Variants in DPP10 observed in about 807,000 individuals in gnomAD.
DPP10 encodes inactive dipeptidyl peptidase 10.
Under a neutral mutation model 120.9 loss-of-function variants are expected in DPP10, and 33 were observed. The ratio of observed to expected loss-of-function variants is 0.27; its 90% CI spans 0.21 to 0.37. The LOEUF is 0.37. Among genes scored for constraint, DPP10 ranks in the 10% least tolerant of loss-of-function variants. DPP10 has a pLI of 1.00. For synonymous variants in DPP10, 337 were observed against 326.1 expected (o/e 1.03, Z -0.36); for missense variants, 816 against 942.8 (o/e 0.87, Z 1.76).
At chr2:114,964,507 A>G (rs1455444534) in intron 1 of DPP10, among the ~76,000 whole-genome samples, 1 of 152,132 alleles carries the variant, frequency 6.6e-6, no homozygotes, top group African/African-American at 2.4e-5. Flanking sequence ...GTCTTCCCCG[A>G]GAAAGTGACA....
intron 1 of DPP10, among the ~76,000 whole-genome samples, chr2:114,802,399 G>A (rs914008900): frequency 7.9e-5 from 12 of 152,052 alleles, no homozygotes; most frequent in Non-Finnish European, 1.3e-4. Flanking sequence ...CTGGTAGATC[G>A]GAGATGTATC....
chr2:115,335,315 A>G (rs150572543), intron 2 of DPP10, among the ~76,000 whole-genome samples: 1 of 152,144 alleles, frequency 6.6e-6, no homozygotes, highest in African/African-American at 2.4e-5. Context: ...ATTAACTACT[A>G]TACAAATTAA....
intron 1 of DPP10, among the ~76,000 whole-genome samples, chr2:114,783,524 T>C (rs1682506708): frequency 6.6e-6 from 1 of 152,140 alleles, no homozygotes; most frequent in Admixed American, 6.6e-5. Context: ...CATTTTATAC[T>C]TGTTTTATGT....
rs1217403517 is a variant in DPP10, at chr2:115,625,246, C to T, written c.442-64441C>T. Reference sequence around the variant, plus strand: ...ATGTGAGAAAGATCTTTTTTGGATTCACAATATTATCTTCACAAATCTTTG... The same window carrying T: ...ATGTGAGAAAGATCTTTTTTGGATTTACAATATTATCTTCACAAATCTTTG... On this transcript the variant is annotated intron_variant, in intron 5 of 25. Coordinates refer to ENST00000410059, the MANE Select transcript of DPP10 (RefSeq NM_020868.6). Among the ~76,000 whole-genome samples, 11 of 151,896 alleles carry T rather than the reference C, an allele frequency of 7.2e-5. No individual in the cohort carries two copies. The East Asian group carries it at 2.1e-3, about 29-fold the overall frequency.
At chr2:115,660,405 T>C (rs1356726995) in intron 5 of DPP10, among the ~76,000 whole-genome samples, 2 of 152,234 alleles carry the variant, frequency 1.3e-5, no homozygotes, top group African/African-American at 2.4e-5. Context: ...GAGTTTAGGC[T>C]AAGTAAGTTA....
intron 1 of DPP10, among the ~76,000 whole-genome samples, chr2:114,593,948 A>G (rs533370000): frequency 6.6e-5 from 10 of 152,294 alleles, no homozygotes; most frequent in Admixed American, 3.3e-4. Context: ...AAAAGCAGAA[A>G]GTGAGTCCTC....
At chr2:114,458,871 T>C (rs1640754901) in intron 1 of DPP10, among the ~76,000 whole-genome samples, 1 of 152,198 alleles carries the variant, frequency 6.6e-6, no homozygotes, top group Non-Finnish European at 1.5e-5. Context: ...CTTGTCCAGT[T>C]TCACAATCAT....
chr2:115,649,947 A>T (rs1343786651), intron 5 of DPP10, among the ~76,000 whole-genome samples: 1 of 152,114 alleles, frequency 6.6e-6, no homozygotes, highest in Non-Finnish European at 1.5e-5. Context: ...AGTATGGAAA[A>T]ACTAAGACAT....
chr2:115,463,848 G>A (rs954585817), intron 3 of DPP10, among the ~76,000 whole-genome samples: 1 of 152,108 alleles, frequency 6.6e-6, no homozygotes, highest in Non-Finnish European at 1.5e-5. Flanking sequence ...TAAGATCCCT[G>A]CATTGTGATG....
In DPP10 at chr2:115,842,253, T is replaced by G. The variant is rs767511162; in HGVS notation, c.2299T>G (p.Tyr767Asp). 6.2e-7 allele frequency: 1 copy of G among 1,613,860 alleles called. No homozygotes were observed. Among genetic ancestry groups the G allele is most frequent in the Non-Finnish European group, 8.5e-7 (1 of 1,179,802 alleles). The change falls in exon 26 of 26, where the codon TAT (tyrosine) becomes GAT (aspartate). Residue 767 changes from tyrosine (Y) to aspartate (D), a missense_variant. This residue lies in a region of DPP10 where 592 missense variants were observed against 649.0 expected (regional missense o/e 0.91). Coordinates refer to ENST00000410059, the MANE Select transcript of DPP10 (RefSeq NM_020868.6). ...TCATAACGTATCTGAGAAGAGCAAGTATCATCTCTACAGCACAATCCTCAA... is the reference window on the plus strand; with the variant it reads ...TCATAACGTATCTGAGAAGAGCAAGGATCATCTCTACAGCACAATCCTCAA... Reference protein sequence around the residue: ...EGHNVSEKSKYHLYSTILKFF... With the variant: ...EGHNVSEKSKDHLYSTILKFF...
At chr2:115,426,379 G>C (rs545673118) in intron 3 of DPP10, among the ~76,000 whole-genome samples, 1 of 126,882 alleles carries the variant, frequency 7.9e-6, no homozygotes, top group African/African-American at 3.1e-5. Flanking sequence ...ACTCTCACCA[G>C]GTGCCACTCC....
At chr2:114,455,193 G>T (rs989325344) in intron 1 of DPP10, among the ~76,000 whole-genome samples, 10 of 131,416 alleles carry the variant, frequency 7.6e-5, no homozygotes, top group East Asian at 2.3e-4. Flanking sequence ...TGTGTTTGGG[G>T]GTGGTGGCAT....
chr2:114,466,583 A>G (rs1369065403), intron 1 of DPP10, among the ~76,000 whole-genome samples: 3 of 152,200 alleles, frequency 2.0e-5, no homozygotes, highest in Non-Finnish European at 4.4e-5. Flanking sequence ...TTTGTGCTGA[A>G]TAAGAAAATA....
At position 115,680,806 on chromosome 2, in the gene DPP10, A is replaced by G. The variant is rs182269663; in HGVS notation, c.442-8881A>G. On this transcript the variant is annotated intron_variant, in intron 5 of 25. Transcript: ENST00000410059. ...GTAAAATGTTTACTACATACATAAA[A>G]ACAAAGTTATAATCTGTCATATAAA... 1.1e-3 allele frequency among the ~76,000 whole-genome samples: 163 copies of G among 152,092 alleles called. 2 individuals carry two copies. The highest frequency in any genetic ancestry group is 3.4e-3 in the Middle Eastern group (1 of 294).
intron 3 of DPP10, among the ~76,000 whole-genome samples, chr2:115,345,873 A>G (rs1434341436): frequency 1.3e-5 from 2 of 152,174 alleles, no homozygotes; most frequent in African/African-American, 4.8e-5. Flanking sequence ...TTTATTAATC[A>G]TTGGTTAAAT....
At chr2:115,129,204 C>T (rs985676515) in intron 1 of DPP10, among the ~76,000 whole-genome samples, 1 of 152,164 alleles carries the variant, frequency 6.6e-6, no homozygotes, top group African/African-American at 2.4e-5. Flanking sequence ...CTCATTTTTC[C>T]CTCTGCTGTT....
chr2:115,023,853 T>C (rs990855263), intron 1 of DPP10, among the ~76,000 whole-genome samples: 3 of 152,072 alleles, frequency 2.0e-5, no homozygotes, highest in African/African-American at 7.2e-5. Context: ...AATAATGACA[T>C]TCACAGCAAC....
chr2:115,031,342 T>C (rs927617384), intron 1 of DPP10, among the ~76,000 whole-genome samples: 1 of 152,206 alleles, frequency 6.6e-6, no homozygotes, highest in African/African-American at 2.4e-5. Context: ...TCTTTATTGA[T>C]AGCTAATGAG....
chr2:114,771,277 A>C (rs1235818891), intron 1 of DPP10, among the ~76,000 whole-genome samples: 1 of 152,164 alleles, frequency 6.6e-6, no homozygotes, highest in East Asian at 1.9e-4. Flanking sequence ...CATTAGCCCA[A>C]CTGCAGGGCT....
Sources: gnomAD v4.1 joint callset for allele counts (sites outside exome capture counted in the v4.1 genomes callset) on GRCh38, gnomAD v4.1.1 for gene constraint, gnomAD v4.1.1 regional missense constraint, MANE v1.5 for transcripts, NCBI Gene and HGNC (gene_info 2026-07-23, HGNC 2026-07-21) for gene names.